The following STX11 variants were observed in gnomAD, a reference collection of about 807,000 sequenced individuals.
STX11 encodes syntaxin-11.
A neutral mutation model predicts 19.9 loss-of-function variants in STX11; 21 were observed. That is an observed-to-expected ratio of 1.06 (90% confidence interval 0.75 to 1.52). The LOEUF (loss-of-function observed/expected upper bound fraction) is 1.52, where lower values mean the gene tolerates loss of function less well. STX11 is among the 40% of genes most tolerant of loss of function. The pLI, the probability that STX11 is intolerant of heterozygous loss-of-function variation, is 0.00. For synonymous variants in STX11, 193 were observed against 174.4 expected (o/e 1.11, Z -0.84); for missense variants, 438 against 405.9 (o/e 1.08, Z -0.68).
Position 144,182,712 on chromosome 6 carries a change from TC to T in STX11, c.-5-3910del, listed in dbSNP as rs1333883987. On this transcript the variant is annotated intron_variant, in intron 1 of 1. Transcript: ENST00000367568. The surrounding 1 kb of genome is among the most constrained non-coding windows in gnomAD (Gnocchi z 4.8). Reference sequence around the variant, plus strand: ...AGAGCAATACAGAGCACAGGACCTGTCTAGGATAAGCAGGATACATACAAAT... The same window carrying T: ...AGAGCAATACAGAGCACAGGACCTGTTAGGATAAGCAGGATACATACAAAT... Among the ~76,000 whole-genome samples the T allele has an allele frequency of 3.3e-5, 5 of 152,170 alleles. No individual in the cohort carries two copies. Among genetic ancestry groups the T allele is most frequent in the African/African-American group, 1.2e-4 (5 of 41,416 alleles).
chr6:144,154,709 C>G lies in STX11; in HGVS notation c.-6+4006C>G, dbSNP rs1460259597. Among the ~76,000 whole-genome samples the G allele has an allele frequency of 6.6e-6, 1 of 152,176 alleles. No individual in the cohort carries two copies. The highest frequency in any genetic ancestry group is 2.1e-4 in the South Asian group (1 of 4,828). Reference sequence around the variant, plus strand: ...TATTACATTCCTGACTTGTGATCTGCCTTTTGAATCCTATTTTGTTCTAGT... The same window carrying G: ...TATTACATTCCTGACTTGTGATCTGGCTTTTGAATCCTATTTTGTTCTAGT... On this transcript the variant is annotated intron_variant, in intron 1 of 1. Coordinates refer to ENST00000367568, the MANE Select transcript of STX11 (RefSeq NM_003764.4). The surrounding 1 kb of genome is among the most constrained non-coding windows in gnomAD (Gnocchi z 4.7).
At position 144,187,305 on chromosome 6, in the gene STX11, G is replaced by A. The variant is rs764375567; in HGVS notation, c.678G>A (p.Glu226=). The change falls in exon 2 of 2, where the codon GAG becomes GAA. Residue 226 remains glutamate (E), a synonymous_variant. Coordinates refer to ENST00000367568, the MANE Select transcript of STX11 (RefSeq NM_003764.4). The surrounding 1 kb of genome is among the most constrained non-coding windows in gnomAD (Gnocchi z 5.6). ...AGAGCCGCATCCGCGACGTACACGA[G>A]CTCTTCTTGCAGATGGCGGTGCTGG... The part of the protein sequence containing the change: ...RLESRIRDVH[E]LFLQMAVLVE... 1.1e-5 allele frequency: 18 copies of A among 1,612,106 alleles called. No homozygotes were observed. In the Admixed American group the frequency reaches 1.7e-4, roughly 15 times the overall value.
chr6:144,163,545 T>G (rs1445326932), intron 1 of STX11, among the ~76,000 whole-genome samples: 2 of 152,130 alleles, frequency 1.3e-5, no homozygotes, highest in Admixed American at 6.5e-5. Flanking sequence ...TGGCGCAATC[T>G]CAGCTCACTG....
intron 1 of STX11, among the ~76,000 whole-genome samples, chr6:144,158,618 A>C (rs1270266574): frequency 1.3e-5 from 2 of 151,872 alleles, no homozygotes; most frequent in African/African-American, 2.4e-5. Flanking sequence ...TAAATGTAGG[A>C]TGGATTTCTA....
At position 144,181,864 on chromosome 6, in the gene STX11, C is replaced by G. The variant is rs146106899; in HGVS notation, c.-5-4759C>G. Among the ~76,000 whole-genome samples the G allele has an allele frequency of 6.2e-3, 949 of 152,278 alleles. 5 individuals carry two copies. Among genetic ancestry groups the G allele is most frequent in the African/African-American group, 0.022 (908 of 41,548 alleles). ...TCAATGAAAAAAGGCTTAAGCAATA[C>G]CCCCTTCCTTCCTTATTGGATCTGG... is the stretch of plus-strand genomic sequence containing the variant. On this transcript the variant is annotated intron_variant, in intron 1 of 1. Transcript: ENST00000367568.
chr6:144,177,457 C>T lies in STX11; in HGVS notation c.-5-9166C>T, dbSNP rs1801803381. On this transcript the variant is annotated intron_variant, in intron 1 of 1. Transcript: ENST00000367568. This position sits in a 1 kb window ranked among gnomAD's most constrained non-coding sequence, Gnocchi z 4.4. Reference sequence around the variant, plus strand: ...CTCCTGTCTTTACTTTCTCCCTTAGCTCATCTACTGGCTGGGAGCGGTGGC... The same window carrying T: ...CTCCTGTCTTTACTTTCTCCCTTAGTTCATCTACTGGCTGGGAGCGGTGGC... Among the ~76,000 whole-genome samples, 1 of 152,172 alleles carries T rather than the reference C, an allele frequency of 6.6e-6. No homozygotes were observed. The highest frequency in any genetic ancestry group is 2.1e-4 in the South Asian group (1 of 4,832).
rs1414043011 is a variant in STX11, at chr6:144,191,727, C to T, written c.*4236C>T. ...CAATTGTAATCAGAGCAACAGTTGA[C>T]TTCCTTTTGATAGCGGAGTTGAAAA... On this transcript the variant is annotated 3_prime_UTR_variant, in exon 2 of 2. Transcript: ENST00000367568. 6.6e-6 allele frequency among the ~76,000 whole-genome samples: 1 copy of T among 152,192 alleles called. No homozygotes were observed. The highest frequency in any genetic ancestry group is 1.5e-5 in the Non-Finnish European group (1 of 68,034).
Position 144,183,477 on chromosome 6 carries a change from C to T in STX11, c.-5-3146C>T, listed in dbSNP as rs1801956595. 1.3e-5 allele frequency among the ~76,000 whole-genome samples: 2 copies of T among 152,180 alleles called. No homozygotes were observed. Among genetic ancestry groups the T allele is most frequent in the African/African-American group, 4.8e-5 (2 of 41,438 alleles). On this transcript the variant is annotated intron_variant, in intron 1 of 1. Coordinates refer to ENST00000367568, the MANE Select transcript of STX11 (RefSeq NM_003764.4). The surrounding 1 kb of genome is among the most constrained non-coding windows in gnomAD (Gnocchi z 4.6). ...ATGCACATATGTCAAAACAAATGCA[C>T]ACTTGAAAAGCTTTTGATACATATT...
intron 1 of STX11, among the ~76,000 whole-genome samples, chr6:144,158,298 G>C (rs1801230412): frequency 2.0e-5 from 3 of 152,328 alleles, no homozygotes; most frequent in South Asian, 2.1e-4. Context: ...TTAAATTCTT[G>C]ATGTGGCCAA....
rs931914563 is a variant in STX11 at position 144,170,539 on chromosome 6, A to C, written c.-5-16084A>C. On this transcript the variant is annotated intron_variant, in intron 1 of 1. Coordinates refer to ENST00000367568, the MANE Select transcript of STX11 (RefSeq NM_003764.4). This position sits in a 1 kb window ranked among gnomAD's most constrained non-coding sequence, Gnocchi z 4.7. The stretch of plus-strand genomic sequence containing the variant: ...TTGTGGCCAATGCTCAAAAAGTTTT[A>C]GATTTTGGAGCATTTCAGATTTCAG... 6.6e-6 allele frequency among the ~76,000 whole-genome samples: 1 copy of C among 152,144 alleles called. No homozygotes were observed. The highest frequency in any genetic ancestry group is 1.5e-5 in the Non-Finnish European group (1 of 68,014).
rs1801116019 is a variant in STX11, at chr6:144,155,628, T to C, written c.-6+4925T>C. 1.3e-5 allele frequency among the ~76,000 whole-genome samples: 2 copies of C among 152,218 alleles called. No homozygotes were observed. The highest frequency in any genetic ancestry group is 6.5e-5 in the Admixed American group (1 of 15,284). On this transcript the variant is annotated intron_variant, in intron 1 of 1. Transcript: ENST00000367568. The surrounding 1 kb of genome is among the most constrained non-coding windows in gnomAD (Gnocchi z 4.5). ...ATATTTCATATCGGTTTGTCTTGGC[T>C]GTTCAATTCAACTGTGGTTTCCCTG...
rs1233570172 is a variant in STX11 at position 144,182,987 on chromosome 6, A to G, written c.-5-3636A>G. Among the ~76,000 whole-genome samples, 1 of 152,268 alleles carries G rather than the reference A, an allele frequency of 6.6e-6. No individual in the cohort carries two copies. The highest frequency in any genetic ancestry group is 2.4e-5 in the African/African-American group (1 of 41,474). ...AGCTAATGTGCTTTCCCCAGGTAGC[A>G]TAAAATGTTAACTTGATTGCCATGC... On this transcript the variant is annotated intron_variant, in intron 1 of 1. Coordinates refer to ENST00000367568, the MANE Select transcript of STX11 (RefSeq NM_003764.4). The surrounding 1 kb of genome is among the most constrained non-coding windows in gnomAD (Gnocchi z 4.8).
chr6:144,146,993 C>T (rs118186944), upstream of STX11, among the ~76,000 whole-genome samples: 935 of 152,244 alleles, frequency 6.1e-3, 44 homozygotes, highest in East Asian at 0.11. The surrounding 1 kb of genome is among the most constrained non-coding windows in gnomAD (Gnocchi z 4.4). Context: ...CAGGGATGAA[C>T]TCTTTCTTCT....
chr6:144,150,472 G>A, upstream of STX11: 1 of 984,136 alleles, frequency 1.0e-6, no homozygotes, highest in South Asian at 4.7e-5. Context: ...CTGGTCCCCA[G>A]CTGTGGTCGC....
At chr6:144,186,137 T>C (rs968281716) in intron 1 of STX11, among the ~76,000 whole-genome samples, 3 of 122,482 alleles carry the variant, frequency 2.4e-5, no homozygotes, top group African/African-American at 9.5e-5. Flanking sequence ...CCCAATGCAA[T>C]CTAAAATTTT....
Position 144,165,113 on chromosome 6 carries a change from G to A in STX11, c.-6+14410G>A, listed in dbSNP as rs2128750112. ...GGTTTTGTTTTGCAGGGAGATATTG[G>A]TTATTTGTCTTCTTTGACAGGTGTA... On this transcript the variant is annotated intron_variant, in intron 1 of 1. Transcript: ENST00000367568. The surrounding 1 kb of genome is among the most constrained non-coding windows in gnomAD (Gnocchi z 5.8). 6.6e-6 allele frequency among the ~76,000 whole-genome samples: 1 copy of A among 152,176 alleles called. No homozygotes were observed. The highest frequency in any genetic ancestry group is 1.9e-4 in the East Asian group (1 of 5,188).
chr6:144,178,378 A>C (rs189939435), intron 1 of STX11, among the ~76,000 whole-genome samples: 148 of 152,324 alleles, frequency 9.7e-4, no homozygotes, highest in African/African-American at 3.3e-3. Flanking sequence ...TTCACTGTAG[A>C]GCAGAATGTA....
rs1351922875 is a variant in STX11, at chr6:144,170,777, A to G, written c.-5-15846A>G. 2.0e-5 allele frequency among the ~76,000 whole-genome samples: 3 copies of G among 152,202 alleles called. No individual in the cohort carries two copies. Among genetic ancestry groups the G allele is most frequent in the Non-Finnish European group, 2.9e-5 (2 of 68,028 alleles). ...TAAACTGTTAGTAGTGTAATTAACA[A>G]ATGGCATCATTTATACAAATAGTTA... On this transcript the variant is annotated intron_variant, in intron 1 of 1. Coordinates refer to ENST00000367568, the MANE Select transcript of STX11 (RefSeq NM_003764.4). This position sits in a 1 kb window ranked among gnomAD's most constrained non-coding sequence, Gnocchi z 4.7.
At chr6:144,143,099 A>T in the STX11 span, among the ~76,000 whole-genome samples, 1 of 152,224 alleles carries the variant, frequency 6.6e-6, no homozygotes, top group Non-Finnish European at 1.5e-5. Context: ...TTATTTCTAC[A>T]TTTTATGTAG....
Sources: allele counts gnomAD v4.1 joint callset (sites outside exome capture counted in the v4.1 genomes callset), GRCh38; gene constraint gnomAD v4.1.1; non-coding constraint Gnocchi (gnomAD v3.1); transcripts MANE v1.5; gene names NCBI Gene and HGNC (gene_info 2026-07-23, HGNC 2026-07-21).